The following LIN9 variants were observed in gnomAD, a reference collection of about 807,000 sequenced individuals.
The protein encoded by LIN9 is protein lin-9 homolog.
Under a neutral mutation model 78.0 loss-of-function variants are expected in LIN9, and 18 were observed. The observed-to-expected ratio is 0.23, with a 90% CI of 0.16 to 0.34. The LOEUF is 0.34. Ranked by LOEUF, LIN9 falls within the 10% of genes least tolerant of loss-of-function variation. LIN9 has a pLI of 1.00. For missense variants in LIN9, 451 were observed against 644.1 expected, an observed-to-expected ratio of 0.70 and a Z score of 3.25; for synonymous variants, 192 against 215.2, an observed-to-expected ratio of 0.89 and a Z score of 0.94.
chr1:226,266,415 T>C, intron 8 of LIN9, 83 bp from the exon 9 acceptor site: 2 of 1,173,258 alleles, frequency 1.7e-6, no homozygotes, highest in Non-Finnish European at 2.4e-6. Context: ...CAGCTTGAGA[T>C]ATATATTCAC....
chr1:226,266,821 C>T (rs1442024541), intron 8 of LIN9, among the ~76,000 whole-genome samples: 1 of 150,882 alleles, frequency 6.6e-6, no homozygotes, highest in African/African-American at 2.4e-5. Flanking sequence ...CTCTTGTTGA[C>T]CAAACTGGAG....
chr1:226,233,110 G>A lies in LIN9; in HGVS notation c.1509C>T (p.Asp503=), dbSNP rs371362225. 1.7e-4 allele frequency: 262 copies of A among 1,581,804 alleles called. 3 individuals carry two copies. The highest frequency in any genetic ancestry group is 1.2e-3 in the East Asian group (53 of 44,586). Reference sequence around the variant, plus strand: ...TAACGAATTACCTGATATTAGAAGCGTCTATTGTACTCTTGATATCATTTA... The same window carrying A: ...TAACGAATTACCTGATATTAGAAGCATCTATTGTACTCTTGATATCATTTA... ...DSLNDIKSTI[D]ASNISCFQNN... is the part of the protein sequence containing the mutation. The change falls in exon 14 of 15, where the codon GAC becomes GAT. Residue 503 remains aspartate (D), a synonymous_variant. Transcript: ENST00000681046.
At chr1:226,233,883 C>T (rs1383652734) in intron 12 of LIN9, among the ~76,000 whole-genome samples, 2 of 152,148 alleles carry the variant, frequency 1.3e-5, no homozygotes, top group African/African-American at 4.8e-5. Context: ...AAACACTGTG[C>T]CTCATTACCT....
chr1:226,236,869 C>A (rs185933770), intron 12 of LIN9, among the ~76,000 whole-genome samples: 21 of 152,200 alleles, frequency 1.4e-4, no homozygotes, highest in Admixed American at 8.5e-4. Context: ...TGTAATTATA[C>A]CATGTTTATT....
At chr1:226,283,592 C>T (rs977361990) in intron 6 of LIN9, among the ~76,000 whole-genome samples, 2 of 151,952 alleles carry the variant, frequency 1.3e-5, no homozygotes, top group African/African-American at 4.8e-5. Context: ...CCATGTAAAA[C>T]GTTCTTATTT....
intron 1 of LIN9, among the ~76,000 whole-genome samples, chr1:226,308,406 G>C (rs533272065): frequency 6.6e-6 from 1 of 152,130 alleles, no homozygotes; most frequent in African/African-American, 2.4e-5. Flanking sequence ...TACCTTTATG[G>C]CTCTTAAGAC....
At chr1:226,235,242 A>C (rs1657611902) in intron 12 of LIN9, among the ~76,000 whole-genome samples, 4 of 144,214 alleles carry the variant, frequency 2.8e-5, no homozygotes, top group African/African-American at 1.0e-4. Context: ...GAATCGCTTG[A>C]ACCCCGGAGG....
upstream of LIN9, chr1:226,309,364 C>G (rs1663149638): frequency 2.0e-6 from 2 of 988,642 alleles, no homozygotes; most frequent in South Asian, 4.7e-5. Context: ...CCGCCGCCTC[C>G]GGCCGAGCCG....
At chr1:226,245,594 A>G (rs1484155028) in intron 11 of LIN9, among the ~76,000 whole-genome samples, 3 of 151,844 alleles carry the variant, frequency 2.0e-5, no homozygotes, top group Non-Finnish European at 4.4e-5. Context: ...CTAAAAAACA[A>G]AAATTTTTTT....
chr1:226,302,243 G>A (rs1213971027), intron 1 of LIN9, among the ~76,000 whole-genome samples: 1 of 152,034 alleles, frequency 6.6e-6, no homozygotes, highest in Non-Finnish European at 1.5e-5. Context: ...GGTAGGGAAA[G>A]TAGAAAAATC....
chr1:226,304,692 A>G (rs1378105687), intron 1 of LIN9, among the ~76,000 whole-genome samples: 1 of 152,180 alleles, frequency 6.6e-6, no homozygotes, highest in Non-Finnish European at 1.5e-5. Flanking sequence ...AAACAGGTTA[A>G]GTCCTAAGAA....
intron 1 of LIN9, among the ~76,000 whole-genome samples, chr1:226,303,469 G>A (rs1465247645): frequency 2.0e-5 from 3 of 152,216 alleles, no homozygotes; most frequent in Non-Finnish European, 4.4e-5. Flanking sequence ...TCTATGAAAG[G>A]TGATGCTTAA....
chr1:226,285,802 C>T (rs1193859355), intron 6 of LIN9, among the ~76,000 whole-genome samples: 1 of 152,076 alleles, frequency 6.6e-6, no homozygotes, highest in African/African-American at 2.4e-5. Flanking sequence ...CAAAAGATAA[C>T]AAAAATGTAC....
intron 4 of LIN9, among the ~76,000 whole-genome samples, chr1:226,290,075 A>C (rs1661655414): frequency 6.6e-6 from 1 of 152,160 alleles, no homozygotes; most frequent in South Asian, 2.1e-4. Context: ...TATGTTAAAA[A>C]ATACAGAAAC....
intron 4 of LIN9, among the ~76,000 whole-genome samples, chr1:226,288,735 T>C (rs914019039): frequency 7.7e-5 from 3 of 39,088 alleles, no homozygotes; most frequent in Non-Finnish European, 1.7e-4. Flanking sequence ...GCAAGACTGA[T>C]ATGGAAAAAA....
intron 1 of LIN9, among the ~76,000 whole-genome samples, chr1:226,302,473 G>A (rs1372810553): frequency 6.6e-6 from 1 of 151,354 alleles, no homozygotes; most frequent in Non-Finnish European, 1.5e-5. Context: ...AGCCCACAAG[G>A]CAGAGCTTGC....
At chr1:226,235,177 C>T (rs1004481818) in intron 12 of LIN9, among the ~76,000 whole-genome samples, 3 of 151,662 alleles carry the variant, frequency 2.0e-5, no homozygotes, top group African/African-American at 7.3e-5. Flanking sequence ...TAAAAATTAG[C>T]TGGGCATGGT....
intron 7 of LIN9, among the ~76,000 whole-genome samples, chr1:226,269,156 A>T (rs1452656409): frequency 6.6e-6 from 1 of 152,236 alleles, no homozygotes; most frequent in Non-Finnish European, 1.5e-5. Context: ...AAAGTATAAT[A>T]CACAACATTT....
intron 10 of LIN9, among the ~76,000 whole-genome samples, chr1:226,260,633 T>TG (rs1558171886): frequency 1.0e-4 from 4 of 39,602 alleles, no homozygotes; most frequent in Non-Finnish European, 1.9e-4. Flanking sequence ...AATGAGTTTT[T>TG]TTTTTTTTTT....
Sources: allele counts gnomAD v4.1 joint callset (sites outside exome capture counted in the v4.1 genomes callset), GRCh38; gene constraint gnomAD v4.1.1; transcripts MANE v1.5; gene names NCBI Gene and HGNC (gene_info 2026-07-23, HGNC 2026-07-21).